PTPRT: variants seen among roughly 807,000 people sequenced by gnomAD.
The protein encoded by PTPRT is protein tyrosine phosphatase receptor type T, also known as receptor-type tyrosine-protein phosphatase T.
Under a neutral mutation model 176.8 loss-of-function variants are expected in PTPRT, and 56 were observed. The ratio of observed to expected loss-of-function variants is 0.32; its 90% CI spans 0.26 to 0.40. PTPRT has a LOEUF of 0.40. Ranked by LOEUF, PTPRT falls within the 10% of genes least tolerant of loss-of-function variation. The probability of loss-of-function intolerance (pLI) is 1.00; values close to 1 mark genes in which losing one functional copy is unlikely to be tolerated. For missense variants in PTPRT, 1,540 were observed against 1,908.2 expected, an observed-to-expected ratio of 0.81 and a Z score of 3.60; for synonymous variants, 783 against 739.0, an observed-to-expected ratio of 1.06 and a Z score of -0.96.
intron 3 of PTPRT, 43 bp downstream of exon 3, chr20:42,791,148 GATTT>G: frequency 1.3e-6 from 2 of 1,531,888 alleles, no homozygotes; most frequent in Non-Finnish European, 8.8e-7. Flanking sequence ...AAGGTGTATA[GATTT>G]ATTACAAATT....
At chr20:43,139,680 C>T (rs1432131559) in intron 1 of PTPRT, among the ~76,000 whole-genome samples, 1 of 152,166 alleles carries the variant, frequency 6.6e-6, no homozygotes, top group African/African-American at 2.4e-5. Flanking sequence ...TGTTCTTCCT[C>T]TCCCAAGTGT....
chr20:42,113,658 G>C (rs1987130082), intron 22 of PTPRT, among the ~76,000 whole-genome samples: 1 of 152,194 alleles, frequency 6.6e-6, no homozygotes, highest in African/African-American at 2.4e-5. Flanking sequence ...GACTTCACTG[G>C]AGCCTCTGTC....
chr20:42,494,082 C>G lies in PTPRT; in HGVS notation c.1154-21520G>C, dbSNP rs1291529622. ...AGGGGCTTTTCTCAATCATCTCGAC[C>G]CTTTCATCTACCTGTTTTTTTCAGA... On this transcript the variant is annotated intron_variant, in intron 7 of 30. Transcript: ENST00000373187. 4.6e-5 allele frequency among the ~76,000 whole-genome samples: 7 copies of G among 151,952 alleles called. No homozygotes were observed. The East Asian group carries it at 1.2e-3, about 25-fold the overall frequency.
chr20:43,069,245 T>C (rs989878124), intron 1 of PTPRT, among the ~76,000 whole-genome samples: 1 of 152,108 alleles, frequency 6.6e-6, no homozygotes, highest in African/African-American at 2.4e-5. Flanking sequence ...TATGCTTGGG[T>C]CCCTCGGTTA....
intron 8 of PTPRT, among the ~76,000 whole-genome samples, chr20:42,458,583 G>A (rs1215452627): frequency 6.6e-6 from 1 of 152,140 alleles, no homozygotes; most frequent in Admixed American, 6.5e-5. Flanking sequence ...TTCACTCTGA[G>A]AACAGCTCTA....
At chr20:42,754,012 G>A (rs535504691) in intron 6 of PTPRT, among the ~76,000 whole-genome samples, 3 of 152,238 alleles carry the variant, frequency 2.0e-5, no homozygotes, top group Non-Finnish European at 4.4e-5. Context: ...TGAGGAGCGG[G>A]AATGAACACA....
chr20:42,160,737 A>G (rs1354912119), intron 17 of PTPRT, among the ~76,000 whole-genome samples: 7 of 152,180 alleles, frequency 4.6e-5, no homozygotes, highest in Non-Finnish European at 1.0e-4. Flanking sequence ...AACAACCACT[A>G]CCTGCAAATC....
intron 1 of PTPRT, among the ~76,000 whole-genome samples, chr20:43,104,258 A>C (rs982872556): frequency 2.0e-5 from 3 of 152,148 alleles, no homozygotes; most frequent in African/African-American, 7.2e-5. Context: ...GATTCTGATG[A>C]ACTTCCTTAA....
chr20:42,384,758 CTTT>C (rs2058728816), intron 9 of PTPRT, among the ~76,000 whole-genome samples: 1 of 152,154 alleles, frequency 6.6e-6, no homozygotes, highest in East Asian at 1.9e-4. Context: ...CAACACTTAT[CTTT>C]TTGTTTTTAA....
In PTPRT at chr20:42,248,953, A is replaced by G. The variant is rs75428683; in HGVS notation, c.2177-131T>C. 7,132 of 1,053,684 alleles carry G rather than the reference A, an allele frequency of 6.8e-3. 36 individuals are homozygous for G. The highest frequency in any genetic ancestry group is 8.4e-3 in the Non-Finnish European group (6,173 of 737,736). 65.3% of individuals were successfully genotyped at this position (1,053,684 alleles called of 1,614,324 possible). On this transcript the variant is annotated intron_variant, in intron 13 of 30. Coordinates refer to ENST00000373187, the MANE Select transcript of PTPRT (RefSeq NM_007050.6). The stretch of plus-strand genomic sequence containing the variant: ...CCAGGCACTGTGCTAAGGGCATCAC[A>G]TACATTGTCCCATTTAATAACTTCT...
At chr20:42,824,306 CTT>C (rs2077953342) in intron 2 of PTPRT, among the ~76,000 whole-genome samples, 1 of 151,926 alleles carries the variant, frequency 6.6e-6, no homozygotes. Flanking sequence ...GTCTCTCTCT[CTT>C]TTGTTTTGTT....
intron 2 of PTPRT, among the ~76,000 whole-genome samples, chr20:42,811,047 G>A (rs1331473521): frequency 6.6e-6 from 1 of 152,092 alleles, no homozygotes; most frequent in Non-Finnish European, 1.5e-5. Flanking sequence ...CCATAACTCT[G>A]CCATCTAGCT....
chr20:43,183,248 TACA>T, intron 1 of PTPRT, among the ~76,000 whole-genome samples: 1 of 152,328 alleles, frequency 6.6e-6, no homozygotes, highest in East Asian at 1.9e-4. Flanking sequence ...AAATTGCTAA[TACA>T]ACAAACTATT....
chr20:42,379,617 G>T (rs2058681207), intron 9 of PTPRT, among the ~76,000 whole-genome samples: 1 of 152,228 alleles, frequency 6.6e-6, no homozygotes, highest in Non-Finnish European at 1.5e-5. Context: ...GGAGTTATAT[G>T]CCAGGTACCT....
chr20:43,158,689 C>A (rs1458038573), intron 1 of PTPRT, among the ~76,000 whole-genome samples: 1 of 152,184 alleles, frequency 6.6e-6, no homozygotes, highest in Non-Finnish European at 1.5e-5. Flanking sequence ...TGAAACAATT[C>A]TACTCTATAA....
At chr20:43,139,726 A>G (rs1290725801) in intron 1 of PTPRT, among the ~76,000 whole-genome samples, 1 of 152,018 alleles carries the variant, frequency 6.6e-6, no homozygotes, top group African/African-American at 2.4e-5. Context: ...GAAAACGGTC[A>G]CCCCAGGCCT....
At chr20:42,460,027 G>C (rs968863263) in intron 8 of PTPRT, among the ~76,000 whole-genome samples, 2 of 152,216 alleles carry the variant, frequency 1.3e-5, no homozygotes, top group Non-Finnish European at 2.9e-5. Flanking sequence ...CATTTACTGA[G>C]ATGGAGAAGA....
At chr20:42,870,700 T>G (rs1295546797) in intron 2 of PTPRT, among the ~76,000 whole-genome samples, 1 of 152,226 alleles carries the variant, frequency 6.6e-6, no homozygotes, top group Non-Finnish European at 1.5e-5. Flanking sequence ...TGATACATGA[T>G]TCTATTTCAA....
intron 15 of PTPRT, among the ~76,000 whole-genome samples, chr20:42,207,372 G>T (rs1170817450): frequency 6.9e-6 from 1 of 145,052 alleles, no homozygotes; most frequent in East Asian, 2.0e-4. Context: ...CAAACCAAAG[G>T]CAAAGAAGTT....
Sources: allele counts gnomAD v4.1 joint callset (sites outside exome capture counted in the v4.1 genomes callset), GRCh38; gene constraint gnomAD v4.1.1; transcripts MANE v1.5; gene names NCBI Gene and HGNC (gene_info 2026-07-23, HGNC 2026-07-21).